The following AGPAT5 variants were observed in gnomAD, a reference collection of about 807,000 sequenced individuals.
AGPAT5 encodes the protein 1-acylglycerol-3-phosphate O-acyltransferase 5.
In AGPAT5, 46 loss-of-function variants were observed where a neutral mutation model predicts 45.6. The observed-to-expected ratio is 1.01, with a 90% confidence interval of 0.80 to 1.29. The LOEUF (loss-of-function observed/expected upper bound fraction) is 1.29. Among genes scored for constraint, AGPAT5 ranks in the 50% most tolerant of loss-of-function variants. The pLI, the probability that AGPAT5 is intolerant of heterozygous loss-of-function variation, is 0.00. For synonymous variants in AGPAT5, 272 were observed against 167.0 expected (o/e 1.63, Z -4.85); for missense variants, 673 against 450.7 (o/e 1.49, Z -4.47).
chr8:6,717,971 C>G (rs1485386172), intron 1 of AGPAT5, among the ~76,000 whole-genome samples: 1 of 152,164 alleles, frequency 6.6e-6, no homozygotes, highest in African/African-American at 2.4e-5. Flanking sequence ...ATTCCTATTT[C>G]TCTGCCATTC....
rs763735511 is a variant in AGPAT5, at chr8:6,708,777, C to T, written c.109C>T (p.Leu37=). ...CGTGTTGGCCTGGGGGGTCTGGCGG[C>T]TGCTCTCCGCCTTCCTGCCCGCCCG... is the stretch of plus-strand genomic sequence containing the variant. The part of the protein sequence containing the change: ...TYVLAWGVWR[L]LSAFLPARFY... The change falls in exon 1 of 8, where the codon CTG becomes TTG. Residue 37 remains leucine, a synonymous_variant. Coordinates refer to ENST00000285518, the MANE Select transcript of AGPAT5 (RefSeq NM_018361.5). 2 of 1,608,944 alleles carry T rather than the reference C, an allele frequency of 1.2e-6. No homozygotes were observed. The highest frequency in any genetic ancestry group is 2.2e-5 in the South Asian group (2 of 90,882).
chr8:6,738,814 C>T (rs541229296), intron 4 of AGPAT5, among the ~76,000 whole-genome samples: 9 of 151,996 alleles, frequency 5.9e-5, no homozygotes, highest in African/African-American at 2.2e-4. Context: ...TTTTGAAGAA[C>T]ATACTTTTAA....
chr8:6,708,889 T>A lies in AGPAT5; in HGVS notation c.219+2T>A. ...TTCGAGAATTACACCGGGGTCCAGG[T>A]GAGCCGCCTCCCGCTCCCGGGTCTC... is the stretch of plus-strand genomic sequence containing the variant. On this transcript the variant is annotated splice_donor_variant, in intron 1 of 7. Coordinates refer to ENST00000285518, the MANE Select transcript of AGPAT5 (RefSeq NM_018361.5). LOFTEE classifies it high-confidence loss of function. The A allele has an allele frequency of 6.3e-7, 1 of 1,599,684 alleles. No individual in the cohort carries two copies. The highest frequency in any genetic ancestry group is 8.5e-7 in the Non-Finnish European group (1 of 1,173,882).
intron 1 of AGPAT5, among the ~76,000 whole-genome samples, chr8:6,721,296 A>G (rs1164733528): frequency 1.3e-5 from 2 of 152,252 alleles, no homozygotes; most frequent in African/African-American, 4.8e-5. Context: ...TAAATTGTAT[A>G]TGTAATCATA....
chr8:6,741,070 T>A (rs1187174379), intron 4 of AGPAT5, among the ~76,000 whole-genome samples: 1 of 152,148 alleles, frequency 6.6e-6, no homozygotes, highest in Non-Finnish European at 1.5e-5. Flanking sequence ...TTGATATTCT[T>A]CTTTATATTA....
chr8:6,755,544 T>C (rs1801806850), intron 7 of AGPAT5, among the ~76,000 whole-genome samples: 1 of 152,144 alleles, frequency 6.6e-6, no homozygotes, highest in Admixed American at 6.5e-5. Flanking sequence ...GTTGGGCCAG[T>C]GTGCGCAGAA....
At chr8:6,709,821 T>A (rs1396489358) in intron 1 of AGPAT5, among the ~76,000 whole-genome samples, 2 of 152,032 alleles carry the variant, frequency 1.3e-5, no homozygotes, top group Non-Finnish European at 2.9e-5. Context: ...ATGGCCCCAG[T>A]TGGAAGTTGT....
At chr8:6,709,718 A>C (rs1413617221) in intron 1 of AGPAT5, among the ~76,000 whole-genome samples, 1 of 149,876 alleles carries the variant, frequency 6.7e-6, no homozygotes, top group Non-Finnish European at 1.5e-5. Flanking sequence ...TGTCTTTTTA[A>C]CTTTTTTTTT....
At chr8:6,748,273 A>C (rs1051266103) in intron 6 of AGPAT5, among the ~76,000 whole-genome samples, 1 of 152,090 alleles carries the variant, frequency 6.6e-6, no homozygotes, top group African/African-American at 2.4e-5. Flanking sequence ...TTCCCCAAAC[A>C]TGTTAGGTTT....
chr8:6,714,621 A>G (rs1366698136), intron 1 of AGPAT5, among the ~76,000 whole-genome samples: 1 of 152,086 alleles, frequency 6.6e-6, no homozygotes, highest in Non-Finnish European at 1.5e-5. Flanking sequence ...AGTTTCCCCT[A>G]CTCCTACACT....
intron 1 of AGPAT5, among the ~76,000 whole-genome samples, chr8:6,717,010 G>A (rs937136151): frequency 6.6e-6 from 1 of 152,122 alleles, no homozygotes; most frequent in Non-Finnish European, 1.5e-5. Flanking sequence ...TAGTGAGTCC[G>A]ATTCATTCTT....
At chr8:6,742,557 A>G (rs569978570) in intron 5 of AGPAT5, among the ~76,000 whole-genome samples, 2 of 152,336 alleles carry the variant, frequency 1.3e-5, no homozygotes, top group South Asian at 4.1e-4. Flanking sequence ...GTGCTGTCTA[A>G]TGGAACTTTC....
At position 6,725,355 on chromosome 8, in the gene AGPAT5, C is replaced by G. The variant is rs190981212; in HGVS notation, c.289+416C>G. The stretch of plus-strand genomic sequence containing the variant: ...TAAGTACTCGTTTCCTTACTATGCT[C>G]GTCATTTCTAGTGTCTGCTCTTCCT... On this transcript the variant is annotated intron_variant, in intron 2 of 7. Coordinates refer to ENST00000285518, the MANE Select transcript of AGPAT5 (RefSeq NM_018361.5). Among the ~76,000 whole-genome samples the G allele has an allele frequency of 1.2e-4, 19 of 152,294 alleles. No homozygotes were observed. The East Asian group carries it at 3.3e-3, about 26-fold the overall frequency.
intron 3 of AGPAT5, 70 bp from the exon 4 acceptor site, chr8:6,732,491 C>G (rs2116902213): frequency 7.9e-7 from 1 of 1,260,580 alleles, no homozygotes. Context: ...AGAGAAGTTG[C>G]CTTTTTGATG....
chr8:6,729,710 T>C (rs1419565404), intron 2 of AGPAT5, among the ~76,000 whole-genome samples: 2 of 152,216 alleles, frequency 1.3e-5, no homozygotes, highest in African/African-American at 4.8e-5. Flanking sequence ...CAAGGGCCAC[T>C]CTCTGTGTTG....
intron 5 of AGPAT5, among the ~76,000 whole-genome samples, chr8:6,743,772 G>GT (rs201219544): frequency 0.031 from 4,548 of 148,018 alleles, 108 homozygotes; most frequent in Middle Eastern, 0.049. Context: ...CCCTATGGTG[G>GT]TTTTTTTTTT....
chr8:6,755,854 T>A (rs1489613579), intron 7 of AGPAT5, among the ~76,000 whole-genome samples: 1 of 152,244 alleles, frequency 6.6e-6, no homozygotes, highest in Non-Finnish European at 1.5e-5. Context: ...AACTTTAAGC[T>A]TCTATTTTTC....
rs1375413551 is a variant in AGPAT5 at position 6,747,783 on chromosome 8, G to C, written c.700G>C (p.Gly234Arg). ...AIYDVTVVYE[G>R]KDDGGQRRES... ...TTATGATGTTACGGTGGTTTATGAA[G>C]GGAAAGACGATGGAGGGCAGCGAAG... The change falls in exon 6 of 8, where the codon GGG (glycine) becomes CGG (arginine). Residue 234 changes from glycine to arginine, a missense_variant. Coordinates refer to ENST00000285518, the MANE Select transcript of AGPAT5 (RefSeq NM_018361.5). 5 of 1,614,130 alleles carry C rather than the reference G, an allele frequency of 3.1e-6. No homozygotes were observed. The Middle Eastern group carries it at 5.0e-4, about 160-fold the overall frequency.
chr8:6,709,487 G>C (rs1278943380), intron 1 of AGPAT5: 2 of 152,054 alleles, frequency 1.3e-5, no homozygotes, highest in Admixed American at 1.3e-4. Flanking sequence ...GTAGAGATTG[G>C]ATTCGTAGAT....
Sources: gnomAD v4.1 joint callset for allele counts (sites outside exome capture counted in the v4.1 genomes callset) on GRCh38, gnomAD v4.1.1 for gene constraint, MANE v1.5 for transcripts, NCBI Gene and HGNC (gene_info 2026-07-23, HGNC 2026-07-21) for gene names.